BDP1: variants seen among roughly 807,000 people sequenced by gnomAD.
The protein encoded by BDP1 is transcription factor TFIIIB component B'' homolog.
BDP1 carries 169 observed loss-of-function variants against 266.6 expected under a neutral mutation model. The ratio of observed to expected loss-of-function variants is 0.63; its 90% CI spans 0.56 to 0.72. BDP1 has a LOEUF of 0.72. Among genes scored for constraint, BDP1 ranks in the 30% least tolerant of loss-of-function variants. BDP1 has a pLI of 0.00. For synonymous variants in BDP1, 1,090 were observed against 1,022.4 expected, an observed-to-expected ratio of 1.07 and a Z score of -1.26; for missense variants, 3,015 against 3,053.8, an observed-to-expected ratio of 0.99 and a Z score of 0.30.
At chr5:71,506,823 A>ACACACACACCCCCACACC (rs377599570) in intron 16 of BDP1, among the ~76,000 whole-genome samples, 1 of 141,726 alleles carries the variant, frequency 7.1e-6, no homozygotes, top group Non-Finnish European at 1.5e-5. Context: ...ACACACACAC[A>ACACACACACCCCCACACC]CCCATATTTT....
chr5:71,496,018 GGATCAGGA>G (rs1307081014), intron 12 of BDP1, among the ~76,000 whole-genome samples: 1 of 151,964 alleles, frequency 6.6e-6, no homozygotes, highest in East Asian at 1.9e-4. Flanking sequence ...CGAGGCGGGC[GGATCAGGA>G]GGTCAGGAGA....
intron 21 of BDP1, among the ~76,000 whole-genome samples, 178 bp downstream of exon 21, chr5:71,516,449 A>C (rs1183414855): frequency 1.3e-5 from 2 of 151,962 alleles, no homozygotes; most frequent in Non-Finnish European, 2.9e-5. Flanking sequence ...AAATAGATTT[A>C]TTTCTTTTCT....
downstream of BDP1, among the ~76,000 whole-genome samples, chr5:71,568,210 A>G (rs530423803): frequency 1.5e-4 from 23 of 152,244 alleles, no homozygotes; most frequent in African/African-American, 5.3e-4. Flanking sequence ...GGAGTCTGCA[A>G]TGTGATTGTC....
chr5:71,494,587 C>CT (rs1362780885), intron 11 of BDP1: 1 of 152,240 alleles, frequency 6.6e-6, no homozygotes, highest in East Asian at 1.9e-4. Context: ...CTTTATTTGA[C>CT]TTTTGGTTAC....
At chr5:71,527,607 C>T (rs1561754359) in intron 25 of BDP1, among the ~76,000 whole-genome samples, 2 of 152,010 alleles carry the variant, frequency 1.3e-5, no homozygotes, top group South Asian at 2.1e-4. Context: ...TCTTCATTTT[C>T]GAGGTTCAAT....
At chr5:71,539,481 T>C in intron 27 of BDP1, 76 bp from the exon 28 acceptor site, 1 of 1,151,856 alleles carries the variant, frequency 8.7e-7, no homozygotes, top group Non-Finnish European at 1.3e-6. Flanking sequence ...ATAAACACCT[T>C]AATTAAAAAT....
chr5:71,536,955 C>T (rs1341035959), intron 26 of BDP1, among the ~76,000 whole-genome samples: 3 of 151,802 alleles, frequency 2.0e-5, no homozygotes, highest in African/African-American at 7.3e-5. Flanking sequence ...GGTGAAACCC[C>T]GTCTCTACTA....
intron 12 of BDP1, among the ~76,000 whole-genome samples, chr5:71,496,558 C>T (rs1201309048): frequency 6.6e-6 from 1 of 151,014 alleles, no homozygotes; most frequent in African/African-American, 2.4e-5. Context: ...CCACCTTAGT[C>T]TCCCAGGTAG....
At chr5:71,500,281 T>G (rs1213184018) in intron 13 of BDP1, among the ~76,000 whole-genome samples, 2 of 151,418 alleles carry the variant, frequency 1.3e-5, no homozygotes, top group Non-Finnish European at 2.9e-5. Flanking sequence ...TTTTTTTCTT[T>G]ACCTTTTTTT....
intron 15 of BDP1, 145 bp from the exon 16 acceptor site, chr5:71,504,476 G>T: frequency 1.4e-6 from 1 of 716,466 alleles, no homozygotes; most frequent in South Asian, 2.4e-5. Flanking sequence ...GATAGCTAAA[G>T]AAAAAACATT....
intron 7 of BDP1, among the ~76,000 whole-genome samples, chr5:71,483,179 T>C (rs984698047): frequency 4.6e-5 from 7 of 152,146 alleles, no homozygotes; most frequent in African/African-American, 1.7e-4. Context: ...ATGGGAAACA[T>C]TGGCTGTTTG....
chr5:71,540,419 C>T (rs1019331966), intron 28 of BDP1, among the ~76,000 whole-genome samples: 17 of 152,258 alleles, frequency 1.1e-4, no homozygotes, highest in African/African-American at 4.1e-4. Context: ...CCTCTGCCTC[C>T]CAGGCTCAAG....
intron 7 of BDP1, among the ~76,000 whole-genome samples, chr5:71,476,860 C>T (rs1455772135): frequency 2.6e-5 from 4 of 152,186 alleles, no homozygotes; most frequent in Non-Finnish European, 5.9e-5. Flanking sequence ...CCCGCCACCA[C>T]GCCTGGCTAA....
chr5:71,455,857 C>G lies in BDP1; in HGVS notation c.-21C>G. On this transcript the variant is annotated 5_prime_UTR_variant, in exon 1 of 39. Transcript: ENST00000358731. Reference sequence around the variant, plus strand: ...CTGTGAGCGGCCGTGAGGCTGCCTCCCCGGGCCCCCTGCCTCCGCCATGTT... The same window carrying G: ...CTGTGAGCGGCCGTGAGGCTGCCTCGCCGGGCCCCCTGCCTCCGCCATGTT... 1 of 1,550,674 alleles carries G rather than the reference C, an allele frequency of 6.4e-7. No homozygotes were observed. Among genetic ancestry groups the G allele is most frequent in the Non-Finnish European group, 8.7e-7 (1 of 1,147,218 alleles).
Position 71,549,603 on chromosome 5 carries a change from T to A in BDP1, c.6992T>A (p.Met2331Lys). 1 of 1,597,662 alleles carries A rather than the reference T, an allele frequency of 6.3e-7. No individual in the cohort carries two copies. The highest frequency in any genetic ancestry group is 8.5e-7 in the Non-Finnish European group (1 of 1,171,918). ...KSVNTEERGD[M>K]SICLPATSVG... is the part of the protein sequence containing the mutation. The stretch of plus-strand genomic sequence containing the variant: ...GTGAATACCGAAGAAAGGGGTGACA[T>A]GAGGTAACGAATGAGTGAAACTGTT... Residue 2331 changes from methionine to lysine, a missense_variant, in exon 34 of 39, where the codon ATG becomes AAG. Physicochemically the swap from Met to Lys is moderately conservative, Grantham distance 95 (BLOSUM62 -1). This residue lies in a region of BDP1 where 629 missense variants were observed against 632.5 expected (regional missense o/e 0.99). Transcript: ENST00000358731.
chr5:71,503,515 T>C (rs1764391046), intron 15 of BDP1, among the ~76,000 whole-genome samples: 1 of 152,226 alleles, frequency 6.6e-6, no homozygotes, highest in Admixed American at 6.5e-5. Context: ...TAAGTACATA[T>C]GTGAGTTTTA....
At position 71,510,731 on chromosome 5, in the gene BDP1, C is replaced by T. The variant is rs764433594; in HGVS notation, c.3639C>T (p.Gly1213=). ...TEREISPQEN[G]PEEVKPVGKM... ...GAGAAATATCGCCACAGGAAAATGG[C>T]CCAGAGGAGGTCAAGCCTGTAGGTA... Residue 1213 remains glycine (G), a synonymous_variant, in exon 17 of 39, where the codon GGC becomes GGT. Coordinates refer to ENST00000358731, the MANE Select transcript of BDP1 (RefSeq NM_018429.3). 1.5e-5 allele frequency: 25 copies of T among 1,613,582 alleles called. 1 individual carries two copies. The highest frequency in any genetic ancestry group is 1.0e-4 in the Admixed American group (6 of 59,950).
At chr5:71,504,423 G>T (rs1764451282) in intron 15 of BDP1, among the ~76,000 whole-genome samples, 198 bp from the exon 16 acceptor site, 1 of 152,146 alleles carries the variant, frequency 6.6e-6, no homozygotes, top group Admixed American at 6.5e-5. Context: ...AAAGAATGGG[G>T]CTTTGAGATA....
chr5:71,455,654 G>T lies in BDP1; in HGVS notation c.-224G>T. The stretch of plus-strand genomic sequence containing the variant: ...GTGAGCGCGGGGATGCTGGGAGGAG[G>T]GTGAAATTTAGCCATCGGTGTGTGG... On this transcript the variant is annotated 5_prime_UTR_variant, in exon 1 of 39. Coordinates refer to ENST00000358731, the MANE Select transcript of BDP1 (RefSeq NM_018429.3). 1 of 582,952 alleles carries T rather than the reference G, an allele frequency of 1.7e-6. No individual in the cohort carries two copies. The highest frequency in any genetic ancestry group is 2.1e-5 in the South Asian group (1 of 48,694). 36.1% of individuals were successfully genotyped at this position (582,952 alleles called of 1,614,324 possible).
Sources: gnomAD v4.1 joint callset for allele counts (sites outside exome capture counted in the v4.1 genomes callset) on GRCh38, gnomAD v4.1.1 for gene constraint, gnomAD v4.1.1 regional missense constraint, MANE v1.5 for transcripts, NCBI Gene and HGNC (gene_info 2026-07-23, HGNC 2026-07-21) for gene names.